The following GRM7 variants were observed in gnomAD, a reference collection of about 807,000 sequenced individuals.
GRM7 encodes the protein glutamate metabotropic receptor 7.
GRM7 carries 35 observed loss-of-function variants against 84.5 expected under a neutral mutation model. The observed-to-expected ratio is 0.41, with a 90% CI of 0.32 to 0.55. The LOEUF (loss-of-function observed/expected upper bound fraction) is 0.55, where lower values mean the gene tolerates loss of function less well. Among genes scored for constraint, GRM7 ranks in the 20% least tolerant of loss-of-function variants. The pLI is 0.19. For synonymous variants in GRM7, 487 were observed against 455.1 expected, an observed-to-expected ratio of 1.07 and a Z score of -0.89; for missense variants, 1,003 against 1,194.6, an observed-to-expected ratio of 0.84 and a Z score of 2.36.
intron 1 of GRM7, among the ~76,000 whole-genome samples, chr3:7,084,765 A>G (rs532842374): frequency 6.6e-6 from 1 of 152,280 alleles, no homozygotes; most frequent in South Asian, 2.1e-4. Context: ...ATATATTGTT[A>G]TTCAGGATTT....
At chr3:6,948,331 G>T (rs1698170321) in intron 1 of GRM7, among the ~76,000 whole-genome samples, 1 of 152,212 alleles carries the variant, frequency 6.6e-6, no homozygotes, top group African/African-American at 2.4e-5. Context: ...TCATTCAGGA[G>T]CTGGTTGTTC....
chr3:7,111,907 C>A (rs9845496), intron 1 of GRM7, among the ~76,000 whole-genome samples: 87,895 of 151,930 alleles, frequency 0.58, 26,931 homozygotes, highest in African/African-American at 0.79. Flanking sequence ...AGCACCCCCC[C>A]ACCCTCAGAG....
In GRM7 at chr3:7,188,198, A is replaced by G. The variant is rs527728974; in HGVS notation, c.736+41530A>G. Reference sequence around the variant, plus strand: ...AGGAATGAAGAGATGCTTTTATTTCAGAGAATCACTGGCAGCAAGAGGGAA... The same window carrying G: ...AGGAATGAAGAGATGCTTTTATTTCGGAGAATCACTGGCAGCAAGAGGGAA... On this transcript the variant is annotated intron_variant, in intron 2 of 9. Transcript: ENST00000357716. The surrounding 1 kb of genome is among the most constrained non-coding windows in gnomAD (Gnocchi z 4.2). Among the ~76,000 whole-genome samples the G allele has an allele frequency of 6.6e-6, 1 of 152,294 alleles. No individual in the cohort carries two copies. The highest frequency in any genetic ancestry group is 1.5e-5 in the Non-Finnish European group (1 of 68,026).
chr3:7,039,478 C>T (rs1696512000), intron 1 of GRM7, among the ~76,000 whole-genome samples: 1 of 152,184 alleles, frequency 6.6e-6, no homozygotes. Context: ...TTTGTGACAG[C>T]TTATTCCCTT....
intron 8 of GRM7, among the ~76,000 whole-genome samples, chr3:7,620,843 T>C (rs372470072): frequency 2.0e-5 from 3 of 151,980 alleles, no homozygotes; most frequent in Non-Finnish European, 2.9e-5. Context: ...AGAATTTCAA[T>C]AGTGTACCTC....
rs116660729 is a variant in GRM7, at chr3:7,242,249, C to T, written c.737-56435C>T. Among the ~76,000 whole-genome samples the T allele has an allele frequency of 2.6e-3, 392 of 152,190 alleles. 6 individuals are homozygous for T. The Middle Eastern group carries it at 0.031, about 12-fold the overall frequency. On this transcript the variant is annotated intron_variant, in intron 2 of 9. Coordinates refer to ENST00000357716, the MANE Select transcript of GRM7 (RefSeq NM_000844.4). ...ACATGCTGTTTACTTCCCAGGGAGC[C>T]GATGGATTCATAATACGGGATTTTT... is the stretch of plus-strand genomic sequence containing the variant.
intron 7 of GRM7, among the ~76,000 whole-genome samples, chr3:7,556,418 GC>G (rs2125031259): frequency 6.6e-6 from 1 of 152,232 alleles, no homozygotes; most frequent in East Asian, 1.9e-4. Context: ...TCTCTTTAGT[GC>G]AAAGACTCAT....
chr3:7,148,314 A>T (rs1424654759), intron 2 of GRM7, among the ~76,000 whole-genome samples: 5 of 152,224 alleles, frequency 3.3e-5, no homozygotes, highest in Admixed American at 2.6e-4. Context: ...ATAAAATAAG[A>T]TGAAAAGAAC....
intron 1 of GRM7, among the ~76,000 whole-genome samples, chr3:6,998,080 T>A (rs1267295594): frequency 9.9e-6 from 1 of 100,992 alleles, no homozygotes; most frequent in African/African-American, 3.5e-5. Context: ...GATTGCATCA[T>A]TGCACTCCAG....
intron 4 of GRM7, among the ~76,000 whole-genome samples, chr3:7,310,146 G>C (rs1447776393): frequency 6.6e-6 from 1 of 152,100 alleles, no homozygotes; most frequent in Non-Finnish European, 1.5e-5. Context: ...GGCCAACAAG[G>C]GTCATGGACC....
intron 4 of GRM7, among the ~76,000 whole-genome samples, chr3:7,341,699 G>A (rs1044462777): frequency 6.6e-6 from 1 of 152,090 alleles, no homozygotes; most frequent in African/African-American, 2.4e-5. Flanking sequence ...CTTATAGTTT[G>A]TCCCAGTAAT....
At chr3:6,992,732 A>G (rs1047197741) in intron 1 of GRM7, among the ~76,000 whole-genome samples, 1 of 152,204 alleles carries the variant, frequency 6.6e-6, no homozygotes, top group South Asian at 2.1e-4. Flanking sequence ...AGCCACTGCC[A>G]GAAAAAAATG....
At chr3:7,209,188 C>T (rs552769587) in intron 2 of GRM7, among the ~76,000 whole-genome samples, 56 of 152,256 alleles carry the variant, frequency 3.7e-4, no homozygotes, top group African/African-American at 1.3e-3. Flanking sequence ...AAGTACAAAT[C>T]AGAGTGGTTT....
intron 7 of GRM7, among the ~76,000 whole-genome samples, chr3:7,562,396 C>G (rs1228109818): frequency 6.6e-6 from 1 of 151,746 alleles, no homozygotes; most frequent in Non-Finnish European, 1.5e-5. Flanking sequence ...TGACTATTAC[C>G]CCTCTAAAAT....
At chr3:6,984,850 A>G (rs1477961808) in intron 1 of GRM7, among the ~76,000 whole-genome samples, 1 of 152,160 alleles carries the variant, frequency 6.6e-6, no homozygotes, top group Non-Finnish European at 1.5e-5. Context: ...GCTTTTTCCC[A>G]TTGGAACTGA....
At chr3:7,177,839 A>T (rs1011485965) in intron 2 of GRM7, among the ~76,000 whole-genome samples, 1 of 152,212 alleles carries the variant, frequency 6.6e-6, no homozygotes, top group African/African-American at 2.4e-5. Flanking sequence ...TAAGACCTCA[A>T]GTCTGATTAA....
At chr3:7,542,734 G>T (rs917872903) in intron 7 of GRM7, among the ~76,000 whole-genome samples, 19 of 151,950 alleles carry the variant, frequency 1.3e-4, no homozygotes, top group Non-Finnish European at 4.4e-5. Context: ...TTTTAGTAGA[G>T]ACAGGTTTTC....
chr3:7,306,465 C>G, intron 3 of GRM7, 33 bp from the exon 4 acceptor site: 1 of 1,591,704 alleles, frequency 6.3e-7, no homozygotes. Flanking sequence ...CGTTCTTTAT[C>G]ATTAATATAA....
intron 1 of GRM7, among the ~76,000 whole-genome samples, chr3:7,120,275 G>T (rs1310835194): frequency 1.3e-5 from 2 of 152,002 alleles, no homozygotes; most frequent in Admixed American, 6.6e-5. Flanking sequence ...ACTAAAGTTT[G>T]TCACATCTAA....
Sources: allele counts gnomAD v4.1 joint callset (sites outside exome capture counted in the v4.1 genomes callset), GRCh38; gene constraint gnomAD v4.1.1; non-coding constraint Gnocchi (gnomAD v3.1); transcripts MANE v1.5; gene names NCBI Gene and HGNC (gene_info 2026-07-23, HGNC 2026-07-21).